RBM18: variants seen among roughly 807,000 people sequenced by gnomAD.
RBM18 encodes probable RNA-binding protein 18.
In RBM18, 18 loss-of-function variants were observed where a neutral mutation model predicts 26.4. The observed-to-expected ratio is 0.68, with a 90% CI of 0.47 to 1.01. The LOEUF (loss-of-function observed/expected upper bound fraction) is 1.01. Ranked by LOEUF, RBM18 falls within the 50% of genes least tolerant of loss-of-function variation. The pLI is 0.00. For missense variants in RBM18, 180 were observed against 219.2 expected, an observed-to-expected ratio of 0.82 and a Z score of 1.13; for synonymous variants, 74 against 81.1, an observed-to-expected ratio of 0.91 and a Z score of 0.47.
At chr9:122,247,898 C>T (rs546648804) in intron 3 of RBM18, among the ~76,000 whole-genome samples, 2 of 151,412 alleles carry the variant, frequency 1.3e-5, no homozygotes, top group Admixed American at 1.3e-4. Flanking sequence ...GCTTCCCCTG[C>T]CTCAGCCTCC....
chr9:122,249,362 C>G (rs1479772038), intron 3 of RBM18, among the ~76,000 whole-genome samples: 1 of 152,088 alleles, frequency 6.6e-6, no homozygotes, highest in Admixed American at 6.6e-5. Context: ...TGTATCCTAA[C>G]CCAGTGTTTT....
intron 2 of RBM18, among the ~76,000 whole-genome samples, chr9:122,254,984 A>T (rs1003124156): frequency 3.2e-4 from 49 of 152,300 alleles, no homozygotes; most frequent in South Asian, 1.0e-3. Flanking sequence ...AAAGGGTCTG[A>T]TCCATTGGAG....
chr9:122,248,325 G>A (rs1831539703), intron 3 of RBM18, among the ~76,000 whole-genome samples: 2 of 152,286 alleles, frequency 1.3e-5, no homozygotes, highest in South Asian at 2.1e-4. Context: ...TAATAGTGCT[G>A]TTCCTATTAG....
At chr9:122,256,226 A>G (rs1831696268) in intron 2 of RBM18, among the ~76,000 whole-genome samples, 1 of 152,206 alleles carries the variant, frequency 6.6e-6, no homozygotes, top group South Asian at 2.1e-4. Flanking sequence ...ATTCCCATCC[A>G]GTATTCAAAC....
At chr9:122,256,892 T>C (rs760574278) in intron 2 of RBM18, among the ~76,000 whole-genome samples, 3 of 152,162 alleles carry the variant, frequency 2.0e-5, no homozygotes, top group Non-Finnish European at 4.4e-5. Context: ...TCTTATTCTA[T>C]AGGTAAGAAA....
chr9:122,261,780 C>A (rs1272799561), intron 1 of RBM18, among the ~76,000 whole-genome samples: 1 of 152,218 alleles, frequency 6.6e-6, no homozygotes, highest in African/African-American at 2.4e-5. Flanking sequence ...CAGAGGCTGA[C>A]TGGGCAGGAG....
chr9:122,254,895 G>A (rs546598618), intron 2 of RBM18, among the ~76,000 whole-genome samples: 7 of 146,592 alleles, frequency 4.8e-5, no homozygotes, highest in Admixed American at 3.5e-4. Context: ...GGAAGGTGGT[G>A]GTTAAGGAGA....
At chr9:122,258,652 T>A (rs1164148369) in intron 2 of RBM18, among the ~76,000 whole-genome samples, 1 of 152,004 alleles carries the variant, frequency 6.6e-6, no homozygotes, top group African/African-American at 2.4e-5. Context: ...AAAGAATCCA[T>A]AGGATGGCCA....
intron 2 of RBM18, chr9:122,254,261 CAAG>C: frequency 1.4e-6 from 1 of 732,684 alleles, no homozygotes; most frequent in Non-Finnish European, 1.7e-6. Flanking sequence ...ACATTCTGCC[CAAG>C]AAGTGTGACC....
In RBM18 at chr9:122,240,483, A is replaced by T. The variant is rs1831399107; in HGVS notation, c.*1401T>A. Reference sequence around the variant, plus strand: ...AAATGTCTTAAATTCATTTATACTCATGGGAAGATGTTAAGTTCCTATATT... The same window carrying T: ...AAATGTCTTAAATTCATTTATACTCTTGGGAAGATGTTAAGTTCCTATATT... On this transcript the variant is annotated 3_prime_UTR_variant, in exon 6 of 6. Transcript: ENST00000417201. 1 of 152,252 alleles carries T rather than the reference A, an allele frequency of 6.6e-6. No homozygotes were observed. The highest frequency in any genetic ancestry group is 2.4e-5 in the African/African-American group (1 of 41,468). The allele number at this position is 152,252 out of a possible 1,614,324, so 9.4% of individuals were successfully genotyped here.
chr9:122,241,817 G>A lies in RBM18; in HGVS notation c.*67C>T. On this transcript the variant is annotated 3_prime_UTR_variant, in exon 6 of 6. Coordinates refer to ENST00000417201, the MANE Select transcript of RBM18 (RefSeq NM_033117.4). Reference sequence around the variant, plus strand: ...GAATAGTACCATTCACATCTACAAAGTACACAGGCAGACGATTTTAGGTGT... The same window carrying A: ...GAATAGTACCATTCACATCTACAAAATACACAGGCAGACGATTTTAGGTGT... 1 of 1,408,352 alleles carries A rather than the reference G, an allele frequency of 7.1e-7. No individual in the cohort carries two copies. The highest frequency in any genetic ancestry group is 9.9e-7 in the Non-Finnish European group (1 of 1,005,254). The allele number at this position is 1,408,352 out of a possible 1,614,324, so 87.2% of individuals were successfully genotyped here.
rs1191859285 is a variant in RBM18, at chr9:122,240,343, G to T, written c.*1541C>A. 7 of 152,202 alleles carry T rather than the reference G, an allele frequency of 4.6e-5. No individual in the cohort carries two copies. Among genetic ancestry groups the T allele is most frequent in the African/African-American group, 7.2e-5 (3 of 41,454 alleles). 9.4% of individuals were successfully genotyped at this position (152,202 alleles called of 1,614,324 possible). A position where few individuals can be genotyped will look rare whatever the true frequency, so the allele number is the denominator to read the frequency against. ...TAGACAGACACAGCTAATACATACA[G>T]AAAGTATTTGATGTCTAGAGATATT... is the stretch of plus-strand genomic sequence containing the variant. On this transcript the variant is annotated 3_prime_UTR_variant, in exon 6 of 6. Transcript: ENST00000417201.
At position 122,238,491 on chromosome 9, in the gene RBM18, C is replaced by A. The variant is rs1831363638; in HGVS notation, c.*3393G>T. On this transcript the variant is annotated 3_prime_UTR_variant, in exon 6 of 6. Coordinates refer to ENST00000417201, the MANE Select transcript of RBM18 (RefSeq NM_033117.4). Reference sequence around the variant, plus strand: ...CATGAGTCAGGTGAGAGAGCGGGCTCTGCGGCTATCTGGAGAAAGAGCGTT... The same window carrying A: ...CATGAGTCAGGTGAGAGAGCGGGCTATGCGGCTATCTGGAGAAAGAGCGTT... 1 of 152,120 alleles carries A rather than the reference C, an allele frequency of 6.6e-6. No homozygotes were observed. Among genetic ancestry groups the A allele is most frequent in the Non-Finnish European group, 1.5e-5 (1 of 68,002 alleles). The allele number at this position is 152,120 out of a possible 1,614,324, so 9.4% of individuals were successfully genotyped here. A position where few individuals can be genotyped will look rare whatever the true frequency, so the allele number is the denominator to read the frequency against.
At chr9:122,244,356 T>A (rs190862210) in intron 5 of RBM18, among the ~76,000 whole-genome samples, 1 of 152,312 alleles carries the variant, frequency 6.6e-6, no homozygotes, top group East Asian at 1.9e-4. Flanking sequence ...TTCCTGACTT[T>A]AGAATTGTTG....
intron 3 of RBM18, among the ~76,000 whole-genome samples, chr9:122,251,393 A>G (rs887834480): frequency 6.6e-4 from 100 of 152,350 alleles, no homozygotes; most frequent in African/African-American, 2.2e-3. Context: ...GCTCTTCTAC[A>G]TACATTAAAA....
chr9:122,253,887 G>T (rs756772053), intron 2 of RBM18, among the ~76,000 whole-genome samples: 2 of 151,812 alleles, frequency 1.3e-5, no homozygotes, highest in Non-Finnish European at 1.5e-5. Flanking sequence ...AATTAGCCAA[G>T]CATGGTGGCG....
chr9:122,245,296 C>G lies in RBM18; in HGVS notation c.373G>C (p.Glu125Gln). The G allele has an allele frequency of 6.2e-7, 1 of 1,610,896 alleles. No homozygotes were observed. Among genetic ancestry groups the G allele is most frequent in the South Asian group, 1.1e-5 (1 of 90,994 alleles). Residue 125 changes from glutamate to glutamine, a missense_variant, in exon 5 of 6, where the codon GAG becomes CAG. Glu to Gln is a conservative substitution (Grantham distance 29). Coordinates refer to ENST00000417201, the MANE Select transcript of RBM18 (RefSeq NM_033117.4). ...GTAGGCTCAGTGCTTGAGGATGGCTCGAGACTGATTGGAAGAATCTTATCA... is the reference window on the plus strand; with the variant it reads ...GTAGGCTCAGTGCTTGAGGATGGCTGGAGACTGATTGGAAGAATCTTATCA... ...KNDKILPISL[E>Q]PSSSTEPTQS...
At chr9:122,246,066 A>C (rs1324732822) in intron 4 of RBM18, among the ~76,000 whole-genome samples, 2 of 152,380 alleles carry the variant, frequency 1.3e-5, no homozygotes, top group Admixed American at 6.5e-5. Context: ...GCCTGAGTGA[A>C]GAATAAAAGT....
At chr9:122,244,521 G>A (rs1831473408) in intron 5 of RBM18, among the ~76,000 whole-genome samples, 1 of 152,194 alleles carries the variant, frequency 6.6e-6, no homozygotes, top group South Asian at 2.1e-4. Context: ...TTTAAATCCT[G>A]AGTGTTATTT....
Sources: allele counts gnomAD v4.1 joint callset (sites outside exome capture counted in the v4.1 genomes callset), GRCh38; gene constraint gnomAD v4.1.1; transcripts MANE v1.5; gene names NCBI Gene and HGNC (gene_info 2026-07-23, HGNC 2026-07-21).